Variants in PAK1 observed in about 807,000 individuals in gnomAD.
PAK1 encodes the protein serine/threonine-protein kinase PAK 1.
PAK1 carries 29 observed loss-of-function variants against 67.4 expected under a neutral mutation model. That is an observed-to-expected ratio of 0.43 (90% CI 0.32 to 0.59). PAK1 has a LOEUF of 0.59. PAK1 is among the 20% of genes least tolerant of loss of function. The probability of loss-of-function intolerance (pLI) is 0.07; values close to 1 mark genes in which losing one functional copy is unlikely to be tolerated. For synonymous variants in PAK1, 223 were observed against 237.4 expected (o/e 0.94, Z 0.56); for missense variants, 337 against 670.7 (o/e 0.50, Z 5.50).
chr11:77,416,971 A>T (rs565748244), intron 1 of PAK1, among the ~76,000 whole-genome samples: 1 of 151,860 alleles, frequency 6.6e-6, no homozygotes, highest in East Asian at 1.9e-4. Flanking sequence ...AAAAAAGTAC[A>T]TATGTGTTCT....
chr11:77,400,885 T>G (rs1952585695), intron 1 of PAK1, among the ~76,000 whole-genome samples: 6 of 152,092 alleles, frequency 3.9e-5, no homozygotes, highest in Admixed American at 3.3e-4. Flanking sequence ...AGTAAACAAG[T>G]CAGAAGAAGA....
At chr11:77,471,408 T>C (rs1194950647) in intron 1 of PAK1, among the ~76,000 whole-genome samples, 5 of 152,152 alleles carry the variant, frequency 3.3e-5, no homozygotes, top group Non-Finnish European at 5.9e-5. Flanking sequence ...CTCAAGTAAT[T>C]GCAACAGAGC....
At chr11:77,396,324 C>T (rs1951825442) in intron 1 of PAK1, among the ~76,000 whole-genome samples, 2 of 152,208 alleles carry the variant, frequency 1.3e-5, no homozygotes, top group Non-Finnish European at 2.9e-5. Context: ...TCTCCAAAGA[C>T]TGTCTCTTCT....
At chr11:77,526,981 G>A in the PAK1 span, among the ~76,000 whole-genome samples, 5 of 152,000 alleles carry the variant, frequency 3.3e-5, no homozygotes, top group Admixed American at 3.3e-4. Flanking sequence ...GTGAGACTGG[G>A]GAGTGTGGTG....
At chr11:77,491,265 G>A in the PAK1 span, among the ~76,000 whole-genome samples, 1 of 150,458 alleles carries the variant, frequency 6.6e-6, no homozygotes, top group South Asian at 2.1e-4. Flanking sequence ...CTGTAGTCAT[G>A]TAGAAAGACT....
chr11:77,485,033 C>A, the PAK1 span, among the ~76,000 whole-genome samples: 1 of 152,178 alleles, frequency 6.6e-6, no homozygotes, highest in Non-Finnish European at 1.5e-5. Flanking sequence ...TTCCCTATCA[C>A]AAGAACAGCA....
Position 77,324,146 on chromosome 11 carries a change from A to T in PAK1, c.1552-786T>A, listed in dbSNP as rs556198666. ...ATATGAAAATTGCATCTAAATTTTC[A>T]GTAAAACTGTTACAGAAAGCAATTC... On this transcript the variant is annotated intron_variant, in intron 14 of 14. Transcript: ENST00000356341. Among the ~76,000 whole-genome samples, 7 of 151,790 alleles carry T rather than the reference A, an allele frequency of 4.6e-5. No individual in the cohort carries two copies. The East Asian group carries it at 1.4e-3, about 29-fold the overall frequency.
chr11:77,359,649 C>T (rs1362587208), intron 5 of PAK1, among the ~76,000 whole-genome samples: 1 of 152,066 alleles, frequency 6.6e-6, no homozygotes, highest in Non-Finnish European at 1.5e-5. Flanking sequence ...AAGTTTCTGC[C>T]CTACCCTGGA....
intron 11 of PAK1, among the ~76,000 whole-genome samples, chr11:77,340,425 T>C (rs532947878): frequency 2.0e-5 from 3 of 152,358 alleles, no homozygotes; most frequent in Admixed American, 6.5e-5. Flanking sequence ...TCTAGTACTT[T>C]ATAATTTTTC....
At chr11:77,506,755 C>T in the PAK1 span, among the ~76,000 whole-genome samples, 2,065 of 152,052 alleles carry the variant, frequency 0.014, 42 homozygotes, top group African/African-American at 0.048. Context: ...CTATGACATA[C>T]GATGATTTAT....
intron 1 of PAK1, among the ~76,000 whole-genome samples, chr11:77,460,322 G>A (rs1358745909): frequency 2.6e-5 from 3 of 114,146 alleles, no homozygotes; most frequent in Non-Finnish European, 5.9e-5. Flanking sequence ...TTTTTTGTTT[G>A]CTTTTTTTTT....
At chr11:77,434,816 G>A (rs1186711897) in intron 1 of PAK1, among the ~76,000 whole-genome samples, 4 of 151,852 alleles carry the variant, frequency 2.6e-5, no homozygotes, top group African/African-American at 9.7e-5. Flanking sequence ...ACAGGATTTT[G>A]CCATGTTGCC....
At chr11:77,331,547 A>G (rs1941524222) in intron 14 of PAK1, among the ~76,000 whole-genome samples, 1 of 152,310 alleles carries the variant, frequency 6.6e-6, no homozygotes, top group South Asian at 2.1e-4. Context: ...AAAAAACCAA[A>G]CACTGCATGT....
Position 77,401,013 on chromosome 11 carries a change from T to C in PAK1, c.-21-8472A>G, listed in dbSNP as rs1024324226. On this transcript the variant is annotated intron_variant, in intron 1 of 14. Transcript: ENST00000356341. ...ATAGAACCACTACACCACACTACAC[T>C]GCTGACTCTAGAGGCAAAGGAAAGG... 4.6e-5 allele frequency among the ~76,000 whole-genome samples: 7 copies of C among 152,306 alleles called. No individual in the cohort carries two copies. In the East Asian group the frequency reaches 1.4e-3, roughly 29 times the overall value.
intron 9 of PAK1, among the ~76,000 whole-genome samples, chr11:77,348,706 C>T (rs1591819968): frequency 6.6e-6 from 1 of 152,266 alleles, no homozygotes; most frequent in East Asian, 1.9e-4. Flanking sequence ...CCTGTTGAAC[C>T]TACCTGCTAA....
intron 1 of PAK1, among the ~76,000 whole-genome samples, chr11:77,435,776 G>A (rs967239582): frequency 2.5e-4 from 37 of 150,444 alleles, no homozygotes; most frequent in African/African-American, 7.6e-4. Flanking sequence ...CCAAAGTGCT[G>A]GGATTATAGG....
At chr11:77,498,902 T>C in the PAK1 span, among the ~76,000 whole-genome samples, 1 of 151,986 alleles carries the variant, frequency 6.6e-6, no homozygotes, top group African/African-American at 2.4e-5. Context: ...GGTTTCACCA[T>C]GTTGGACAGG....
chr11:77,502,779 C>T, the PAK1 span, among the ~76,000 whole-genome samples: 1 of 152,154 alleles, frequency 6.6e-6, no homozygotes, highest in East Asian at 1.9e-4. Flanking sequence ...ACCTCGCAAG[C>T]TGGCATGGTG....
intron 5 of PAK1, among the ~76,000 whole-genome samples, chr11:77,368,145 A>AT (rs1184256052): frequency 6.6e-6 from 1 of 152,230 alleles, no homozygotes; most frequent in African/African-American, 2.4e-5. Context: ...TCCCTGCAGT[A>AT]TAAATAGATG....
Sources: gnomAD v4.1 joint callset for allele counts (sites outside exome capture counted in the v4.1 genomes callset) on GRCh38, gnomAD v4.1.1 for gene constraint, MANE v1.5 for transcripts, NCBI Gene and HGNC (gene_info 2026-07-23, HGNC 2026-07-21) for gene names.